Variants in USP16 observed in about 807,000 individuals in gnomAD.
USP16 encodes the protein ubiquitin carboxyl-terminal hydrolase 16.
USP16 carries 77 observed loss-of-function variants against 95.9 expected under a neutral mutation model. The ratio of observed to expected loss-of-function variants is 0.80; its 90% CI spans 0.67 to 0.97. The LOEUF is 0.97. USP16 is among the 50% of genes least tolerant of loss of function. USP16 has a pLI of 0.00. For synonymous variants in USP16, 303 were observed against 318.2 expected (o/e 0.95, Z 0.51); for missense variants, 943 against 959.9 (o/e 0.98, Z 0.23).
chr21:29,041,141 G>T (rs2085237856), intron 10 of USP16, among the ~76,000 whole-genome samples: 1 of 152,132 alleles, frequency 6.6e-6, no homozygotes, highest in South Asian at 2.1e-4. Flanking sequence ...CCTGAAATGT[G>T]ACTGGTGAAA....
intron 16 of USP16, chr21:29,052,694 G>C (rs1054467458): frequency 6.6e-5 from 10 of 152,218 alleles, no homozygotes; most frequent in African/African-American, 2.4e-4. Flanking sequence ...TTAGGTTAAA[G>C]AGTACAGAAT....
intron 13 of USP16, 23 bp downstream of exon 13, chr21:29,043,622 A>G (rs768535695): frequency 8.7e-6 from 13 of 1,494,332 alleles, no homozygotes; most frequent in Non-Finnish European, 1.1e-5. Flanking sequence ...GAGGAAAATC[A>G]TATGCTTGTA....
chr21:29,053,158 T>C (rs898699351), intron 16 of USP16: 4 of 152,312 alleles, frequency 2.6e-5, no homozygotes, highest in African/African-American at 9.7e-5. Flanking sequence ...AAGCTGAGTA[T>C]AGGAGACAGT....
chr21:29,026,327 G>A, intron 1 of USP16, among the ~76,000 whole-genome samples: 1 of 151,836 alleles, frequency 6.6e-6, no homozygotes, highest in East Asian at 1.9e-4. Context: ...GTGGTGGTGG[G>A]CGTCTGTAAT....
At position 29,054,113 on chromosome 21, in the gene USP16, CAT is replaced by C. The variant is rs767207094; in HGVS notation, c.2399_2400del (p.His800ArgfsTer8). 5.6e-6 allele frequency: 9 copies of C among 1,614,132 alleles called. No individual in the cohort carries two copies. Among genetic ancestry groups the C allele is most frequent in the East Asian group, 2.2e-5 (1 of 44,898 alleles). On this transcript the variant is annotated frameshift_variant, in exon 18 of 18. Coordinates refer to ENST00000399976, the MANE Select transcript of USP16 (RefSeq NM_006447.3). LOFTEE classifies it high-confidence loss of function. ...GCAGTGGTTTCACATCAGCGACACACATGTGCAAGCTGTGCCTACAACTAAAG... is the reference window on the plus strand; with the variant it reads ...GCAGTGGTTTCACATCAGCGACACACGTGCAAGCTGTGCCTACAACTAAAG... The part of the protein sequence containing the change: ...KGQWFHISDT[H>X]VQAVPTTKVL...
At chr21:29,026,328 C>T (rs1346283893) in intron 1 of USP16, among the ~76,000 whole-genome samples, 1 of 151,634 alleles carries the variant, frequency 6.6e-6, no homozygotes, top group Non-Finnish European at 1.5e-5. Flanking sequence ...TGGTGGTGGG[C>T]GTCTGTAATC....
Position 29,046,932 on chromosome 21 carries a change from A to G in USP16, c.1622A>G (p.Asn541Ser). ...GAGGAAGTAGATATGAAAAATATCA[A>G]CATGGATAATGATCTGGAGGTTTTA... ...STEEVDMKNI[N>S]MDNDLEVLTS... The change falls in exon 14 of 18, where the codon AAC (asparagine) becomes AGC (serine). Residue 541 changes from asparagine (N) to serine (S), a missense_variant. Transcript: ENST00000399976. 1.2e-6 allele frequency: 2 copies of G among 1,614,188 alleles called. No individual in the cohort carries two copies. Among genetic ancestry groups the G allele is most frequent in the Non-Finnish European group, 8.5e-7 (1 of 1,180,030 alleles).
chr21:29,047,010 A>T lies in USP16; in HGVS notation c.1700A>T (p.Asn567Ile), dbSNP rs778242626. 1 of 1,614,032 alleles carries T rather than the reference A, an allele frequency of 6.2e-7. No homozygotes were observed. Among genetic ancestry groups the T allele is most frequent in the Non-Finnish European group, 8.5e-7 (1 of 1,180,034 alleles). Reference sequence around the variant, plus strand: ...GGTGCCTACCTAACGGAAGGGAGCAATGGAGAAGTGGACATTTCCAATGGT... The same window carrying T: ...GGTGCCTACCTAACGGAAGGGAGCATTGGAGAAGTGGACATTTCCAATGGT... ...LNGAYLTEGS[N>I]GEVDISNGFK... The change falls in exon 14 of 18, where the codon AAT (asparagine) becomes ATT (isoleucine). Residue 567 changes from asparagine (N) to isoleucine (I), a missense_variant. By Grantham distance (149) the Asn-to-Ile change is moderately radical. Coordinates refer to ENST00000399976, the MANE Select transcript of USP16 (RefSeq NM_006447.3).
In USP16 at chr21:29,054,123, C is replaced by G. The variant is rs750158908; in HGVS notation, c.2408C>G (p.Ala803Gly). 1 of 1,614,228 alleles carries G rather than the reference C, an allele frequency of 6.2e-7. No homozygotes were observed. Among genetic ancestry groups the G allele is most frequent in the Non-Finnish European group, 8.5e-7 (1 of 1,180,014 alleles). The change falls in exon 18 of 18, where the codon GCT becomes GGT. Residue 803 changes from alanine (A) to glycine (G), a missense_variant. Transcript: ENST00000399976. ...CACATCAGCGACACACATGTGCAAG[C>G]TGTGCCTACAACTAAAGTACTAAAC... ...WFHISDTHVQ[A>G]VPTTKVLNSQ...
chr21:29,039,763 T>C (rs2085217042), intron 9 of USP16, among the ~76,000 whole-genome samples, 195 bp downstream of exon 9: 1 of 152,240 alleles, frequency 6.6e-6, no homozygotes, highest in African/African-American at 2.4e-5. Flanking sequence ...AGTAATTCTC[T>C]TTCTCATGAT....
chr21:29,040,831 G>T (rs980934088), intron 10 of USP16, 144 bp downstream of exon 10: 2 of 403,852 alleles, frequency 5.0e-6, no homozygotes, highest in Middle Eastern at 4.1e-4. Context: ...AAATTATTCA[G>T]TGCTCCAGAA....
Position 29,038,438 on chromosome 21 carries a change from CT to C in USP16, c.732+11del. 1 of 1,586,788 alleles carries C rather than the reference CT, an allele frequency of 6.3e-7. No individual in the cohort carries two copies. The highest frequency in any genetic ancestry group is 2.2e-5 in the East Asian group (1 of 44,692). ...CCTGATTTGGCATTAACAGTATGTT[CT>C]TTAAACTTTTCTAGTCTGTAACTTT... On this transcript the variant is annotated intron_variant, in intron 7 of 17. Coordinates refer to ENST00000399976, the MANE Select transcript of USP16 (RefSeq NM_006447.3).
At chr21:29,026,078 G>A (rs1458137122) in intron 1 of USP16, among the ~76,000 whole-genome samples, 3 of 152,234 alleles carry the variant, frequency 2.0e-5, no homozygotes, top group Admixed American at 6.5e-5. Context: ...GAGCTTCCAA[G>A]ATTGGTAAGA....
At chr21:29,031,019 C>T (rs1054157332) in intron 3 of USP16, among the ~76,000 whole-genome samples, 3 of 152,186 alleles carry the variant, frequency 2.0e-5, no homozygotes, top group Non-Finnish European at 4.4e-5. Flanking sequence ...GCAACAGGGT[C>T]TCAGCCAATC....
intron 6 of USP16, among the ~76,000 whole-genome samples, chr21:29,037,782 C>T (rs932573878): frequency 5.9e-5 from 9 of 152,064 alleles, no homozygotes; most frequent in Admixed American, 2.0e-4. Context: ...GACAGGGTTT[C>T]GCCATGTTGC....
chr21:29,036,401 C>T (rs752190889), intron 5 of USP16, 27 bp downstream of exon 5: 3 of 1,594,104 alleles, frequency 1.9e-6, no homozygotes, highest in Non-Finnish European at 2.6e-6. Flanking sequence ...CTTTAATATA[C>T]ACCAAATGTC....
chr21:29,030,921 T>C (rs1240562503), intron 3 of USP16, 148 bp downstream of exon 3: 2 of 876,322 alleles, frequency 2.3e-6, no homozygotes, highest in East Asian at 2.8e-5. Flanking sequence ...GATGTGTGTA[T>C]AGGTGGTGGA....
At chr21:29,040,573 T>G (rs1449884518) in intron 9 of USP16, 36 bp from the exon 10 acceptor site, 33 of 918,778 alleles carry the variant, frequency 3.6e-5, no homozygotes, top group Non-Finnish European at 4.9e-5. Context: ...AATTTAAAAT[T>G]TAATAGTATA....
chr21:29,031,776 C>T (rs1358156197), intron 3 of USP16, among the ~76,000 whole-genome samples: 1 of 152,086 alleles, frequency 6.6e-6, no homozygotes, highest in African/African-American at 2.4e-5. Context: ...AATTGAAAAT[C>T]TTATTGAGGT....
Sources: allele counts gnomAD v4.1 joint callset (sites outside exome capture counted in the v4.1 genomes callset), GRCh38; gene constraint gnomAD v4.1.1; transcripts MANE v1.5; gene names NCBI Gene and HGNC (gene_info 2026-07-23, HGNC 2026-07-21).